The following SCN9A variants were observed in gnomAD, a reference collection of about 807,000 sequenced individuals.
SCN9A encodes the protein sodium voltage-gated channel alpha subunit 9, also known as sodium channel protein type 9 subunit alpha.
Under a neutral mutation model 187.0 loss-of-function variants are expected in SCN9A, and 131 were observed. The ratio of observed to expected loss-of-function variants is 0.70; its 90% confidence interval spans 0.61 to 0.81. SCN9A has a LOEUF of 0.81. Among genes scored for constraint, SCN9A ranks in the 30% least tolerant of loss-of-function variants. The probability of loss-of-function intolerance (pLI) is 0.00; values close to 1 mark genes in which losing one functional copy is unlikely to be tolerated. For synonymous variants in SCN9A, 809 were observed against 808.6 expected (o/e 1.00, Z -0.01); for missense variants, 2,252 against 2,396.6 (o/e 0.94, Z 1.26).
At chr2:166,297,851 T>C (rs1398654819) in intron 7 of SCN9A, among the ~76,000 whole-genome samples, 2 of 152,008 alleles carry the variant, frequency 1.3e-5, no homozygotes, top group Non-Finnish European at 2.9e-5. Context: ...TGCCAACTTA[T>C]CACTAAAATA....
In SCN9A at chr2:166,284,737, T is replaced by C. The variant is rs762110710; in HGVS notation, c.1690A>G (p.Ile564Val). Residue 564 changes from isoleucine (I) to valine (V), a missense_variant, in exon 12 of 27, where the codon ATA becomes GTA. By Grantham distance (29) the Ile-to-Val change is conservative (BLOSUM62 3). Transcript: ENST00000642356. The stretch of plus-strand genomic sequence containing the variant: ...TCGGCAAATTCAGTCTCAGATCCTA[T>C]ATCTCTTCCTCTGCCTTTGAAACTA... ...LFSFKGRGRD[I>V]GSETEFADDE... 1 of 1,613,944 alleles carries C rather than the reference T, an allele frequency of 6.2e-7. No homozygotes were observed. The highest frequency in any genetic ancestry group is 1.1e-5 in the South Asian group (1 of 91,080).
At chr2:166,219,000 T>G (rs971875648) in intron 24 of SCN9A, among the ~76,000 whole-genome samples, 3 of 151,748 alleles carry the variant, frequency 2.0e-5, no homozygotes, top group Admixed American at 1.3e-4. Flanking sequence ...GAAATGCAAA[T>G]CAAAACCACA....
At chr2:166,232,470 G>C (rs1057048565) in intron 21 of SCN9A, among the ~76,000 whole-genome samples, 2 of 152,092 alleles carry the variant, frequency 1.3e-5, no homozygotes, top group African/African-American at 4.8e-5. Context: ...CTTTTCTAAT[G>C]CTCCTTACCC....
chr2:166,242,169 C>T (rs1227398079), intron 19 of SCN9A, among the ~76,000 whole-genome samples: 1 of 152,104 alleles, frequency 6.6e-6, no homozygotes, highest in Non-Finnish European at 1.5e-5. Context: ...AAACCTCTAA[C>T]CTTCTCTCTT....
chr2:166,275,353 G>A (rs1269374853), intron 16 of SCN9A, among the ~76,000 whole-genome samples: 6 of 151,906 alleles, frequency 3.9e-5, no homozygotes, highest in Admixed American at 1.3e-4. Flanking sequence ...GGGAGGCGAC[G>A]GAGGCTGGAT....
chr2:166,335,974 GT>G (rs1300002134), intron 1 of SCN9A, among the ~76,000 whole-genome samples: 19 of 152,126 alleles, frequency 1.2e-4, no homozygotes, highest in Non-Finnish European at 4.4e-5. Context: ...GGTATTATAA[GT>G]AATCTAGAGA....
At chr2:166,265,210 C>T (rs774977122) in intron 17 of SCN9A, among the ~76,000 whole-genome samples, 12 of 151,968 alleles carry the variant, frequency 7.9e-5, no homozygotes, top group Non-Finnish European at 5.9e-5. Context: ...TTTCCCCACA[C>T]CTCGCTCCTC....
Position 166,303,201 on chromosome 2 carries a change from G to A in SCN9A, c.790C>T (p.Leu264=). 6.2e-7 allele frequency: 1 copy of A among 1,613,644 alleles called. No homozygotes were observed. The highest frequency in any genetic ancestry group is 8.5e-7 in the Non-Finnish European group (1 of 1,179,724). Residue 264 remains leucine, a synonymous_variant, in exon 7 of 27, where the codon CTA becomes TTA. Transcript: ENST00000642356. Reference sequence around the variant, plus strand: ...TTCAGGTTTCCCATGAACAGCTGTAGTCCAATTAGTGCAAACACACTCAGA... The same window carrying A: ...TTCAGGTTTCCCATGAACAGCTGTAATCCAATTAGTGCAAACACACTCAGA... ...FCLSVFALIG[L]QLFMGNLKHK... is the part of the protein sequence containing the mutation.
chr2:166,286,620 T>C lies in SCN9A; in HGVS notation c.1318A>G (p.Ile440Val), dbSNP rs2106487935. The C allele has an allele frequency of 5.8e-6, 9 of 1,538,832 alleles. No individual in the cohort carries two copies. Among genetic ancestry groups the C allele is most frequent in the Non-Finnish European group, 7.8e-6 (9 of 1,148,090 alleles). Residue 440 changes from isoleucine to valine, a missense_variant, in exon 11 of 27, where the codon ATT becomes GTT. By Grantham distance (29) the Ile-to-Val change is conservative. This residue lies in a region of SCN9A where 1,013 missense variants were observed against 997.4 expected (regional missense o/e 1.02). Coordinates refer to ENST00000642356, the MANE Select transcript of SCN9A (RefSeq NM_001365536.1). ...GTATATTCAGCCGCTGCCGCTGCAA[T>C]TGCCTGGTTGGGCCAAGACGTTAAC... ...LKKEQEEAEA[I>V]AAAAAEYTSI...
intron 18 of SCN9A, among the ~76,000 whole-genome samples, chr2:166,249,695 TA>T (rs1358364567): frequency 1.3e-5 from 2 of 152,136 alleles, no homozygotes; most frequent in Non-Finnish European, 2.9e-5. Flanking sequence ...TTTATAGGAT[TA>T]AAAAAACTTT....
chr2:166,211,253 T>G (rs1574722311), intron 24 of SCN9A, among the ~76,000 whole-genome samples: 1 of 152,188 alleles, frequency 6.6e-6, no homozygotes, highest in Non-Finnish European at 1.5e-5. Context: ...TTCAAAATAC[T>G]TAAAGAAAAA....
intron 1 of SCN9A, among the ~76,000 whole-genome samples, chr2:166,371,127 T>G (rs1700550978): frequency 6.6e-6 from 1 of 152,230 alleles, no homozygotes; most frequent in Non-Finnish European, 1.5e-5. Context: ...TGGCTCCATG[T>G]TATATCACTT....
chr2:166,236,391 T>A (rs1424194972), intron 20 of SCN9A, among the ~76,000 whole-genome samples: 1 of 152,280 alleles, frequency 6.6e-6, no homozygotes, highest in Middle Eastern at 3.4e-3. Context: ...TTTTTAACAT[T>A]TAATATGTTG....
At chr2:166,371,359 C>T (rs1026120729) in intron 1 of SCN9A, among the ~76,000 whole-genome samples, 1 of 152,176 alleles carries the variant, frequency 6.6e-6, no homozygotes, top group Admixed American at 6.5e-5. Context: ...TCTTCCTTCC[C>T]CACTTTATCA....
intron 1 of SCN9A, among the ~76,000 whole-genome samples, chr2:166,330,587 C>A (rs1699476639): frequency 6.6e-6 from 1 of 152,082 alleles, no homozygotes; most frequent in Non-Finnish European, 1.5e-5. Context: ...TCCAGCAGTC[C>A]CCAACCTTCT....
intron 24 of SCN9A, among the ~76,000 whole-genome samples, chr2:166,223,260 T>C (rs929414561): frequency 6.6e-6 from 1 of 152,206 alleles, no homozygotes; most frequent in African/African-American, 2.4e-5. Context: ...TACTTCCATG[T>C]TCACTTCAGC....
chr2:166,319,324 T>C (rs771816020), intron 1 of SCN9A, among the ~76,000 whole-genome samples: 1 of 148,866 alleles, frequency 6.7e-6, no homozygotes, highest in African/African-American at 2.5e-5. Flanking sequence ...CTTTTTTTTT[T>C]AAGTTACTTT....
In SCN9A at chr2:166,350,208, T is replaced by A. The variant is rs538210953; in HGVS notation, c.-51+25489A>T. 1.2e-3 allele frequency among the ~76,000 whole-genome samples: 189 copies of A among 152,324 alleles called. 1 individual carries two copies. Among genetic ancestry groups the A allele is most frequent in the African/African-American group, 4.5e-3 (186 of 41,566 alleles). On this transcript the variant is annotated intron_variant, in intron 1 of 26. Transcript: ENST00000642356. ...ATTCTATGATTCTATTATTCCTGCA[T>A]GGATAATTTACCAGTAATTCAAGCT...
chr2:166,237,183 T>C (rs1262266679), intron 20 of SCN9A, among the ~76,000 whole-genome samples: 1 of 151,136 alleles, frequency 6.6e-6, no homozygotes, highest in Admixed American at 6.6e-5. Context: ...ATATATATTA[T>C]TAAGTTATAT....
Sources: allele counts gnomAD v4.1 joint callset (sites outside exome capture counted in the v4.1 genomes callset), GRCh38; gene constraint gnomAD v4.1.1; regional missense constraint gnomAD v4.1.1; transcripts MANE v1.5; gene names NCBI Gene and HGNC (gene_info 2026-07-23, HGNC 2026-07-21).